PHTF1: variants seen among roughly 807,000 people sequenced by gnomAD.
PHTF1 encodes the protein protein PHTF1.
Under a neutral mutation model 102.4 loss-of-function variants are expected in PHTF1, and 88 were observed. The ratio of observed to expected loss-of-function variants is 0.86; its 90% CI spans 0.72 to 1.03. The LOEUF is 1.03. Among genes scored for constraint, PHTF1 ranks in the 50% least tolerant of loss-of-function variants. PHTF1 has a pLI of 0.00. For synonymous variants in PHTF1, 289 were observed against 305.2 expected (o/e 0.95, Z 0.55); for missense variants, 814 against 909.5 (o/e 0.89, Z 1.35).
At chr1:113,725,024 G>T in intron 6 of PHTF1, 131 bp from the exon 7 acceptor site, 1 of 602,604 alleles carries the variant, frequency 1.7e-6, no homozygotes, top group Non-Finnish European at 2.7e-6. Flanking sequence ...CATATTCTGC[G>T]GATAAACTAT....
chr1:113,743,158 T>G (rs1656685744), intron 3 of PHTF1, among the ~76,000 whole-genome samples: 1 of 152,192 alleles, frequency 6.6e-6, no homozygotes, highest in Non-Finnish European at 1.5e-5. Context: ...TGTTTTTACT[T>G]TATAAGCTTT....
At position 113,699,685 on chromosome 1, in the gene PHTF1, A is replaced by G. The variant is rs766449009; in HGVS notation, c.2142+19T>C. The G allele has an allele frequency of 3.2e-6, 3 of 950,124 alleles. No homozygotes were observed. The highest frequency in any genetic ancestry group is 1.4e-5 in the South Asian group (1 of 71,370). The allele number at this position is 950,124 out of a possible 1,614,324, so 58.9% of individuals were successfully genotyped here. A position where few individuals can be genotyped will look rare whatever the true frequency, so the allele number is the denominator to read the frequency against. ...TTAACTCAAATGATAGTAAAAGTGT[A>G]TCATAGCCTATGACTTACTTTCAAC... On this transcript the variant is annotated intron_variant, in intron 17 of 18. Coordinates refer to ENST00000369604, the MANE Select transcript of PHTF1 (RefSeq NM_001323043.2).
intron 3 of PHTF1, among the ~76,000 whole-genome samples, chr1:113,748,946 A>C (rs1051354228): frequency 1.6e-4 from 25 of 152,220 alleles, no homozygotes; most frequent in Non-Finnish European, 5.9e-5. Context: ...CTATGTATTC[A>C]GTGTGTACAA....
Position 113,706,619 on chromosome 1 carries a change from T to G in PHTF1, c.1373A>C (p.Glu458Ala). Residue 458 changes from glutamate to alanine, a missense_variant, in exon 12 of 19, where the codon GAA (glutamate) becomes GCA (alanine). By Grantham distance (107) the Glu-to-Ala change is moderately radical. Transcript: ENST00000369604. Reference sequence around the variant, plus strand: ...CCTGCTCATGATGATGCCACTTATTTCCAACACAGACATATCCATCTTTTT... The same window carrying G: ...CCTGCTCATGATGATGCCACTTATTGCCAACACAGACATATCCATCTTTTT... ...ECKKMDMSVL[E>A]ISGIIMSRVN... 6.2e-7 allele frequency: 1 copy of G among 1,610,880 alleles called. No homozygotes were observed. Among genetic ancestry groups the G allele is most frequent in the Non-Finnish European group, 8.5e-7 (1 of 1,179,092 alleles).
intron 3 of PHTF1, among the ~76,000 whole-genome samples, chr1:113,745,186 G>C (rs894994377): frequency 6.6e-6 from 1 of 152,198 alleles, no homozygotes; most frequent in Non-Finnish European, 1.5e-5. Context: ...AGGTAAACTT[G>C]TGAGATGAGA....
chr1:113,738,817 A>G lies in PHTF1; in HGVS notation c.103-18T>C. On this transcript the variant is annotated intron_variant, in intron 3 of 18. Transcript: ENST00000369604. The stretch of plus-strand genomic sequence containing the variant: ...TTCAAACCCTAGGATAAAACAAAAC[A>G]AAAATAAAATCAGAAATAAAGAAAA... The G allele has an allele frequency of 6.6e-7, 1 of 1,508,366 alleles. No individual in the cohort carries two copies. The highest frequency in any genetic ancestry group is 9.0e-7 in the Non-Finnish European group (1 of 1,105,976). The allele number at this position is 1,508,366 out of a possible 1,614,324, so 93.4% of individuals were successfully genotyped here.
chr1:113,720,243 A>C (rs2101336544), intron 7 of PHTF1, among the ~76,000 whole-genome samples: 1 of 152,316 alleles, frequency 6.6e-6, no homozygotes. Flanking sequence ...GCAAGAGGAC[A>C]AACAATTGTA....
intron 16 of PHTF1, 27 bp from the exon 17 acceptor site, chr1:113,699,826 A>ACCTT: frequency 1.1e-6 from 1 of 902,814 alleles, no homozygotes; most frequent in Non-Finnish European, 1.7e-6. Flanking sequence ...AAATTAAGGT[A>ACCTT]AATTTCTTGG....
chr1:113,725,408 T>C (rs1653674021), intron 6 of PHTF1: 1 of 152,224 alleles, frequency 6.6e-6, no homozygotes, highest in South Asian at 2.1e-4. Flanking sequence ...ACAAGAAATC[T>C]TTTTTAAAAA....
chr1:113,726,422 T>G lies in PHTF1; in HGVS notation c.484A>C (p.Arg162=), dbSNP rs750521680. Residue 162 remains arginine, a synonymous_variant, in exon 6 of 19, where the codon AGA becomes CGA. Coordinates refer to ENST00000369604, the MANE Select transcript of PHTF1 (RefSeq NM_001323043.2). ...CAGTGTAATTTCTCATCTTACCTTCTTCTTCGATTTCCATTGTTTCCTGAT... is the reference window on the plus strand; with the variant it reads ...CAGTGTAATTTCTCATCTTACCTTCGTCTTCGATTTCCATTGTTTCCTGAT... ...RPSGNNGNRR[R]RKLRKTVNGD... is the part of the protein sequence containing the mutation. 1 of 1,604,648 alleles carries G rather than the reference T, an allele frequency of 6.2e-7. No individual in the cohort carries two copies. The highest frequency in any genetic ancestry group is 8.5e-7 in the Non-Finnish European group (1 of 1,174,436).
At position 113,704,680 on chromosome 1, in the gene PHTF1, G is replaced by A. The variant is rs578061932; in HGVS notation, c.1789C>T (p.Arg597Cys). 1.0e-4 allele frequency: 158 copies of A among 1,587,102 alleles called. No individual in the cohort carries two copies. Among genetic ancestry groups the A allele is most frequent in the Middle Eastern group, 1.7e-4 (1 of 5,996 alleles). The change falls in exon 14 of 19, where the codon CGT becomes TGT. Residue 597 changes from arginine to cysteine, a missense_variant. Transcript: ENST00000369604. ...VENIKIWLSL[R>C]SYLKRRGPQR... ...ATAAAACTCACCTTTAGATAGGAAC[G>A]CAGTGATAACCATATTTTAATATTC...
intron 3 of PHTF1, among the ~76,000 whole-genome samples, chr1:113,739,006 T>C (rs1369151509): frequency 6.6e-6 from 1 of 152,024 alleles, no homozygotes; most frequent in Admixed American, 6.6e-5. Context: ...TGCCCACCAT[T>C]AAGCCCGGCT....
intron 13 of PHTF1, 69 bp from the exon 14 acceptor site, chr1:113,704,866 C>T: frequency 4.0e-6 from 4 of 1,010,304 alleles, no homozygotes; most frequent in Admixed American, 2.4e-5. Flanking sequence ...TAATTGCCAA[C>T]GATATTCCCA....
At chr1:113,716,077 C>A (rs915350962) in intron 7 of PHTF1, among the ~76,000 whole-genome samples, 2 of 151,948 alleles carry the variant, frequency 1.3e-5, no homozygotes, top group African/African-American at 4.8e-5. Flanking sequence ...GGAAACTTCC[C>A]AAATCTAGAG....
intron 3 of PHTF1, among the ~76,000 whole-genome samples, chr1:113,751,195 CTT>C (rs1658024170): frequency 6.6e-6 from 1 of 152,068 alleles, no homozygotes; most frequent in African/African-American, 2.4e-5. Context: ...ATTTTTCCTA[CTT>C]TTACTATTGG....
rs143646783 is a variant in PHTF1 at position 113,722,178 on chromosome 1, G to A, written c.623+2581C>T. On this transcript the variant is annotated intron_variant, in intron 7 of 18. Coordinates refer to ENST00000369604, the MANE Select transcript of PHTF1 (RefSeq NM_001323043.2). ...GAAATTGAAGAGAACGCAGCCGGGC[G>A]CAGTGGGTCACGCCTGTAATCCCAC... Among the ~76,000 whole-genome samples, 467 of 151,916 alleles carry A rather than the reference G, an allele frequency of 3.1e-3. 1 individual carries two copies. The highest frequency in any genetic ancestry group is 5.2e-3 in the Non-Finnish European group (352 of 67,962).
rs575772811 is a variant in PHTF1 at position 113,745,256 on chromosome 1, T to C, written c.103-6457A>G. Among the ~76,000 whole-genome samples the C allele has an allele frequency of 1.1e-4, 16 of 152,134 alleles. No individual in the cohort carries two copies. The South Asian group carries it at 2.9e-3, about 28-fold the overall frequency. On this transcript the variant is annotated intron_variant, in intron 3 of 18. Coordinates refer to ENST00000369604, the MANE Select transcript of PHTF1 (RefSeq NM_001323043.2). The stretch of plus-strand genomic sequence containing the variant: ...GAGTATGATTTTATTGTAAGGGTAC[T>C]AGGAAGTCAGGAAACAGTTTTAAGT...
chr1:113,704,508 CAG>C (rs1234149435), intron 14 of PHTF1, among the ~76,000 whole-genome samples, 156 bp downstream of exon 14: 2 of 152,140 alleles, frequency 1.3e-5, no homozygotes, highest in African/African-American at 2.4e-5. Flanking sequence ...ACCAGCTTTG[CAG>C]AGAGATGACA....
At chr1:113,727,454 T>G (rs375464625) in intron 5 of PHTF1, among the ~76,000 whole-genome samples, 1 of 152,196 alleles carries the variant, frequency 6.6e-6, no homozygotes, top group African/African-American at 2.4e-5. Flanking sequence ...GAGCACAGAA[T>G]AGACACTCAA....
Sources: gnomAD v4.1 joint callset for allele counts (sites outside exome capture counted in the v4.1 genomes callset) on GRCh38, gnomAD v4.1.1 for gene constraint, MANE v1.5 for transcripts, NCBI Gene and HGNC (gene_info 2026-07-23, HGNC 2026-07-21) for gene names.